The following PGGT1B variants were observed in gnomAD, a reference collection of about 807,000 sequenced individuals.
The protein encoded by PGGT1B is protein geranylgeranyltransferase type I subunit beta.
A neutral mutation model predicts 46.1 loss-of-function variants in PGGT1B; 30 were observed. The ratio of observed to expected loss-of-function variants is 0.65; its 90% CI spans 0.49 to 0.88. The LOEUF is 0.88. PGGT1B is among the 40% of genes least tolerant of loss of function. PGGT1B has a pLI of 0.00. For synonymous variants in PGGT1B, 170 were observed against 160.0 expected (o/e 1.06, Z -0.47); for missense variants, 376 against 455.9 (o/e 0.82, Z 1.60).
In PGGT1B at chr5:115,205,202, T is replaced by C. The variant is rs1756026548; in HGVS notation, c.*7200A>G. 2 of 152,176 alleles carry C rather than the reference T, an allele frequency of 1.3e-5. No individual in the cohort carries two copies. Among genetic ancestry groups the C allele is most frequent in the Admixed American group, 6.6e-5 (1 of 15,262 alleles). 9.4% of individuals were successfully genotyped at this position (152,176 alleles called of 1,614,324 possible). ...CATAATCTTTTACTTTTTCACAATT[T>C]CTCCAGTGAATTGTATGTCTTTCAT... On this transcript the variant is annotated 3_prime_UTR_variant, in exon 9 of 9. Coordinates refer to ENST00000419445, the MANE Select transcript of PGGT1B (RefSeq NM_005023.4).
Position 115,207,063 on chromosome 5 carries a change from A to C in PGGT1B, c.*5339T>G, listed in dbSNP as rs1756085312. 6.6e-6 allele frequency: 1 copy of C among 151,076 alleles called. No homozygotes were observed. Among genetic ancestry groups the C allele is most frequent in the Non-Finnish European group, 1.5e-5 (1 of 67,652 alleles). 9.4% of individuals were successfully genotyped at this position (151,076 alleles called of 1,614,324 possible). A position where few individuals can be genotyped will look rare whatever the true frequency, so the allele number is the denominator to read the frequency against. Reference sequence around the variant, plus strand: ...CTCAAGAGTTTTTTTAGTTTTCCTCATACAGATTTTAGATGTGTCTTAAAT... The same window carrying C: ...CTCAAGAGTTTTTTTAGTTTTCCTCCTACAGATTTTAGATGTGTCTTAAAT... On this transcript the variant is annotated 3_prime_UTR_variant, in exon 9 of 9. Coordinates refer to ENST00000419445, the MANE Select transcript of PGGT1B (RefSeq NM_005023.4).
chr5:115,229,986 A>C (rs1756926630), intron 6 of PGGT1B, among the ~76,000 whole-genome samples: 1 of 152,156 alleles, frequency 6.6e-6, no homozygotes, highest in Non-Finnish European at 1.5e-5. Flanking sequence ...AGGAGGAAAT[A>C]CTTGATAGGA....
chr5:115,215,580 G>A (rs895485260), intron 8 of PGGT1B, among the ~76,000 whole-genome samples: 1 of 152,214 alleles, frequency 6.6e-6, no homozygotes, highest in Non-Finnish European at 1.5e-5. Flanking sequence ...TTACAGGCGT[G>A]AGCCAAAACT....
chr5:115,218,439 TATATA>T (rs540379517), intron 7 of PGGT1B, among the ~76,000 whole-genome samples: 87 of 141,252 alleles, frequency 6.2e-4, no homozygotes, highest in Non-Finnish European at 9.4e-4. Flanking sequence ...ATATATATTA[TATATA>T]ATATATGACT....
At chr5:115,233,545 GA>G (rs202078462) in intron 5 of PGGT1B, among the ~76,000 whole-genome samples, 41,992 of 131,738 alleles carry the variant, frequency 0.32, 7,102 homozygotes, top group Non-Finnish European at 0.42. Context: ...AAAAAAGAAG[GA>G]AAAAAAAAAA....
intron 1 of PGGT1B, among the ~76,000 whole-genome samples, chr5:115,254,794 TATTACC>T (rs1748245407): frequency 1.3e-5 from 2 of 152,134 alleles, no homozygotes; most frequent in Non-Finnish European, 2.9e-5. Flanking sequence ...ATTGAGAGAC[TATTACC>T]ATGTATTAGA....
chr5:115,254,427 C>T (rs957506857), intron 1 of PGGT1B, among the ~76,000 whole-genome samples: 1 of 151,872 alleles, frequency 6.6e-6, no homozygotes, highest in African/African-American at 2.4e-5. Context: ...AATAGTTTAA[C>T]AATTTTGTGC....
rs35653225 is a variant in PGGT1B at position 115,207,180 on chromosome 5, C to CATATATAT, written c.*5214_*5221dup. ...ACTAGTTTAGGTTTGCATATACATA[C>CATATATAT]ATATATATATATATATATATATATA... is the stretch of plus-strand genomic sequence containing the variant. On this transcript the variant is annotated 3_prime_UTR_variant, in exon 9 of 9. Transcript: ENST00000419445. 3,260 of 89,730 alleles carry CATATATAT rather than the reference C, an allele frequency of 0.036. 256 individuals carry two copies. Among genetic ancestry groups the CATATATAT allele is most frequent in the African/African-American group, 0.057 (1,394 of 24,436 alleles). The allele number at this position is 89,730 out of a possible 1,614,324, so 5.6% of individuals were successfully genotyped here.
chr5:115,227,061 A>G (rs1298716347), intron 6 of PGGT1B, among the ~76,000 whole-genome samples: 2 of 152,144 alleles, frequency 1.3e-5, no homozygotes, highest in Admixed American at 1.3e-4. Context: ...CCTAGAGTGC[A>G]TGGAAGGGGT....
chr5:115,223,589 T>A (rs1206153320), intron 6 of PGGT1B, among the ~76,000 whole-genome samples: 1 of 152,146 alleles, frequency 6.6e-6, no homozygotes, highest in East Asian at 1.9e-4. Context: ...CCTGCTGACA[T>A]CTTGATTTTA....
chr5:115,217,301 C>T (rs1008339003), intron 7 of PGGT1B, among the ~76,000 whole-genome samples: 1 of 151,772 alleles, frequency 6.6e-6, no homozygotes, highest in Non-Finnish European at 1.5e-5. Flanking sequence ...TTTATCTACC[C>T]ATATTTTAAC....
intron 7 of PGGT1B, among the ~76,000 whole-genome samples, chr5:115,217,756 C>A (rs897406319): frequency 1.3e-5 from 2 of 151,686 alleles, no homozygotes; most frequent in African/African-American, 2.4e-5. Context: ...AGTTATGGTA[C>A]AAACAGGAAA....
chr5:115,213,453 C>A (rs1165536326), intron 8 of PGGT1B, among the ~76,000 whole-genome samples: 2 of 152,110 alleles, frequency 1.3e-5, no homozygotes, highest in Non-Finnish European at 2.9e-5. Flanking sequence ...AATTGGCCGA[C>A]ATTTATGGCC....
At chr5:115,262,517 G>T in intron 1 of PGGT1B, 195 bp downstream of exon 1, 1 of 604,544 alleles carries the variant, frequency 1.7e-6, no homozygotes, top group Non-Finnish European at 2.9e-6. Flanking sequence ...CACAGCCCTC[G>T]ACCTACAGCC....
intron 5 of PGGT1B, among the ~76,000 whole-genome samples, chr5:115,233,538 AAAG>A (rs1232765534): frequency 2.2e-5 from 3 of 135,612 alleles, no homozygotes; most frequent in Non-Finnish European, 5.2e-5. Context: ...AAAAGAAAAA[AAAG>A]AAGGAAAAAA....
At chr5:115,257,629 C>G (rs185650324) in intron 1 of PGGT1B, among the ~76,000 whole-genome samples, 38 of 150,458 alleles carry the variant, frequency 2.5e-4, no homozygotes, top group African/African-American at 8.3e-4. Context: ...ACTGAAAACA[C>G]TAATTTATGA....
At chr5:115,246,631 T>C (rs573019405) in intron 2 of PGGT1B, among the ~76,000 whole-genome samples, 1 of 152,254 alleles carries the variant, frequency 6.6e-6, no homozygotes, top group East Asian at 1.9e-4. Flanking sequence ...CTTTGTGTGG[T>C]CTGGCTGCCC....
intron 6 of PGGT1B, among the ~76,000 whole-genome samples, chr5:115,229,000 T>C (rs1247362757): frequency 1.3e-5 from 2 of 151,844 alleles, no homozygotes; most frequent in East Asian, 3.9e-4. Flanking sequence ...ACAGTAACAA[T>C]AAAAAAGAAA....
chr5:115,249,652 G>A (rs1748002145), intron 2 of PGGT1B, among the ~76,000 whole-genome samples: 6 of 152,100 alleles, frequency 3.9e-5, no homozygotes, highest in Admixed American at 3.9e-4. Flanking sequence ...AATGAGTCAG[G>A]GTGGGGCAGG....
Sources: allele counts gnomAD v4.1 joint callset (sites outside exome capture counted in the v4.1 genomes callset), GRCh38; gene constraint gnomAD v4.1.1; transcripts MANE v1.5; gene names NCBI Gene and HGNC (gene_info 2026-07-23, HGNC 2026-07-21).